DISC1: variants seen among roughly 807,000 people sequenced by gnomAD.
DISC1 encodes disrupted in schizophrenia 1 protein.
A neutral mutation model predicts 84.5 loss-of-function variants in DISC1; 57 were observed. The ratio of observed to expected loss-of-function variants is 0.67; its 90% confidence interval spans 0.55 to 0.84. The LOEUF is 0.84. Among genes scored for constraint, DISC1 ranks in the 40% least tolerant of loss-of-function variants. The pLI, the probability that DISC1 is intolerant of heterozygous loss-of-function variation, is 0.00. For missense variants in DISC1, 1,000 were observed against 1,057.8 expected (o/e 0.95, Z 0.76); for synonymous variants, 411 against 415.2 (o/e 0.99, Z 0.12).
At chr1:231,856,397 T>A (rs1243100704) in intron 9 of DISC1, among the ~76,000 whole-genome samples, 1 of 152,216 alleles carries the variant, frequency 6.6e-6, no homozygotes, top group African/African-American at 2.4e-5. Flanking sequence ...AATGAAATGC[T>A]GTTTGAAATC....
intron 1 of DISC1, among the ~76,000 whole-genome samples, chr1:231,667,523 T>C (rs1473204875): frequency 1.3e-5 from 2 of 152,210 alleles, no homozygotes; most frequent in Non-Finnish European, 2.9e-5. Flanking sequence ...CAAATTGCTT[T>C]CTACTTCAGT....
At chr1:231,818,008 G>A (rs1353163911) in intron 8 of DISC1, among the ~76,000 whole-genome samples, 4 of 152,198 alleles carry the variant, frequency 2.6e-5, no homozygotes, top group Admixed American at 2.6e-4. Flanking sequence ...TTGGAATGGA[G>A]TGACACATTG....
intron 9 of DISC1, among the ~76,000 whole-genome samples, chr1:231,935,462 T>A (rs1361393303): frequency 6.6e-6 from 1 of 152,194 alleles, no homozygotes; most frequent in Non-Finnish European, 1.5e-5. Flanking sequence ...GTACATATTG[T>A]CCTCTACGCG....
intron 7 of DISC1, among the ~76,000 whole-genome samples, chr1:231,799,587 C>T (rs941448893): frequency 2.0e-5 from 3 of 151,888 alleles, no homozygotes; most frequent in Non-Finnish European, 4.4e-5. Flanking sequence ...CAGGCAGCGA[C>T]TGAGCAGTCT....
chr1:231,689,062 C>T (rs927272556), intron 1 of DISC1, among the ~76,000 whole-genome samples: 1 of 152,128 alleles, frequency 6.6e-6, no homozygotes, highest in Admixed American at 6.5e-5. Context: ...CTTTATGGTT[C>T]TGAATATTTG....
At chr1:231,720,754 T>G (rs929481058) in intron 3 of DISC1, 16 of 981,648 alleles carry the variant, frequency 1.6e-5, no homozygotes, top group Non-Finnish European at 2.1e-5. Flanking sequence ...GGCTAAAATG[T>G]GAAGTTCTTA....
chr1:231,877,855 A>G (rs2086006167), intron 9 of DISC1, among the ~76,000 whole-genome samples: 1 of 152,264 alleles, frequency 6.6e-6, no homozygotes, highest in Admixed American at 6.5e-5. Flanking sequence ...GACTGAACAG[A>G]TGAAAATAAA....
intron 10 of DISC1, among the ~76,000 whole-genome samples, chr1:231,989,221 G>T (rs1664863243): frequency 6.6e-6 from 1 of 152,206 alleles, no homozygotes; most frequent in South Asian, 2.1e-4. Context: ...CCCAGGTCAG[G>T]CTCATAAACA....
At chr1:231,773,268 G>T (rs2125471984) in intron 6 of DISC1, among the ~76,000 whole-genome samples, 1 of 152,306 alleles carries the variant, frequency 6.6e-6, no homozygotes, top group Admixed American at 6.5e-5. Flanking sequence ...GACTTGGTCT[G>T]GTTTTCTACC....
intron 10 of DISC1, among the ~76,000 whole-genome samples, chr1:231,985,547 G>A (rs562281793): frequency 6.6e-6 from 1 of 152,292 alleles, no homozygotes; most frequent in African/African-American, 2.4e-5. Context: ...ATGTCAGAAA[G>A]TGTGTCATGA....
At chr1:231,994,751 G>T (rs146679304) in intron 10 of DISC1, among the ~76,000 whole-genome samples, 2 of 152,250 alleles carry the variant, frequency 1.3e-5, no homozygotes, top group East Asian at 3.9e-4. Context: ...GTCCCTTGTT[G>T]TCTGGCAGGT....
At chr1:231,864,170 C>G (rs1051700539) in intron 9 of DISC1, among the ~76,000 whole-genome samples, 3 of 152,140 alleles carry the variant, frequency 2.0e-5, no homozygotes, top group African/African-American at 7.2e-5. Flanking sequence ...ACGATACTTG[C>G]AATTTTTCAT....
chr1:231,945,981 C>T (rs1657109259), intron 9 of DISC1, among the ~76,000 whole-genome samples: 1 of 152,038 alleles, frequency 6.6e-6, no homozygotes, highest in Non-Finnish European at 1.5e-5. Context: ...AGCCTACCAA[C>T]CAAAAAAAGT....
At chr1:231,660,521 G>C (rs1026650405) in intron 1 of DISC1, among the ~76,000 whole-genome samples, 7 of 152,122 alleles carry the variant, frequency 4.6e-5, no homozygotes, top group African/African-American at 1.7e-4. Context: ...GTGTCACCCA[G>C]GCTGGAGTGC....
chr1:232,002,513 G>C (rs976612566), intron 10 of DISC1, among the ~76,000 whole-genome samples: 2 of 151,018 alleles, frequency 1.3e-5, no homozygotes, highest in African/African-American at 4.9e-5. Flanking sequence ...ACACACTGTG[G>C]TACATACCTA....
intron 8 of DISC1, among the ~76,000 whole-genome samples, chr1:231,807,513 C>T (rs2079835177): frequency 6.6e-6 from 1 of 152,230 alleles, no homozygotes; most frequent in Non-Finnish European, 1.5e-5. Flanking sequence ...AAAATGGACC[C>T]TCATTCATTG....
intron 3 of DISC1, among the ~76,000 whole-genome samples, chr1:231,730,733 T>G (rs1469809774): frequency 3.3e-5 from 5 of 152,328 alleles, no homozygotes; most frequent in South Asian, 4.1e-4. Context: ...TTTTAATTTC[T>G]CTCCTAGTTA....
Position 231,834,424 on chromosome 1 carries a change from A to G in DISC1, c.1981+15907A>G, listed in dbSNP as rs142798805. ...GTTGTACTGGGAACAGAGACTAGGGAGGGACCGATGTGTAAAAGAATGTCT... is the reference window on the plus strand; with the variant it reads ...GTTGTACTGGGAACAGAGACTAGGGGGGGACCGATGTGTAAAAGAATGTCT... On this transcript the variant is annotated intron_variant, in intron 9 of 12. Coordinates refer to ENST00000439617, the MANE Select transcript of DISC1 (RefSeq NM_018662.3). 7.6e-3 allele frequency among the ~76,000 whole-genome samples: 1,161 copies of G among 152,244 alleles called. 14 individuals carry two copies. The highest frequency in any genetic ancestry group is 0.026 in the African/African-American group (1,093 of 41,542).
intron 1 of DISC1, among the ~76,000 whole-genome samples, chr1:231,648,791 T>C (rs188937312): frequency 3.2e-4 from 48 of 152,264 alleles, no homozygotes; most frequent in African/African-American, 1.1e-3. Flanking sequence ...CTTGGGAGGG[T>C]GTATGTGTCC....
Sources: allele counts gnomAD v4.1 joint callset (sites outside exome capture counted in the v4.1 genomes callset), GRCh38; gene constraint gnomAD v4.1.1; transcripts MANE v1.5; gene names NCBI Gene and HGNC (gene_info 2026-07-23, HGNC 2026-07-21).